Variants in CSGALNACT1 observed in about 807,000 individuals in gnomAD.
CSGALNACT1 encodes beta4GalNAcT-1.
In CSGALNACT1, 52 loss-of-function variants were observed where a neutral mutation model predicts 51.0. The ratio of observed to expected loss-of-function variants is 1.02; its 90% confidence interval spans 0.82 to 1.29. The LOEUF (loss-of-function observed/expected upper bound fraction) is 1.29, where lower values mean the gene tolerates loss of function less well. CSGALNACT1 is among the 50% of genes most tolerant of loss of function. CSGALNACT1 has a pLI of 0.00. For synonymous variants in CSGALNACT1, 341 were observed against 254.4 expected, an observed-to-expected ratio of 1.34 and a Z score of -3.24; for missense variants, 935 against 679.2, an observed-to-expected ratio of 1.38 and a Z score of -4.19.
upstream of CSGALNACT1, among the ~76,000 whole-genome samples, chr8:19,684,276 T>A (rs2060842458): frequency 6.6e-6 from 1 of 151,962 alleles, no homozygotes; most frequent in Admixed American, 6.6e-5. Context: ...AATAAATAAT[T>A]TATTATATGG....
chr8:19,465,691 A>T (rs1484428215), intron 4 of CSGALNACT1, among the ~76,000 whole-genome samples: 1 of 152,174 alleles, frequency 6.6e-6, no homozygotes, highest in Non-Finnish European at 1.5e-5. Context: ...TTAGAGCTTT[A>T]AACTCTCTTC....
intron 3 of CSGALNACT1, among the ~76,000 whole-genome samples, chr8:19,546,800 C>A (rs1427125817): frequency 6.6e-6 from 1 of 152,214 alleles, no homozygotes; most frequent in Non-Finnish European, 1.5e-5. Context: ...TAGGAAGGCT[C>A]CTCTTTACAG....
intron 1 of CSGALNACT1, among the ~76,000 whole-genome samples, chr8:19,729,213 T>A (rs1023693108): frequency 1.3e-5 from 2 of 152,078 alleles, no homozygotes; most frequent in Non-Finnish European, 2.9e-5. Context: ...TCTGAGCACA[T>A]TAAACCAAAG....
chr8:19,471,785 G>A lies in CSGALNACT1; in HGVS notation c.635-13143C>T, dbSNP rs1045852275. Among the ~76,000 whole-genome samples the A allele has an allele frequency of 4.6e-5, 7 of 152,180 alleles. No homozygotes were observed. In the South Asian group the frequency reaches 1.2e-3, roughly 27 times the overall value. ...GCTGAAGTGAGAAAACTCAACGGAA[G>A]AGATGGGGAAGAAACAGATTCTGAG... On this transcript the variant is annotated intron_variant, in intron 4 of 9. Transcript: ENST00000454498.
At chr8:19,500,187 G>A (rs2076171812) in intron 4 of CSGALNACT1, among the ~76,000 whole-genome samples, 1 of 152,158 alleles carries the variant, frequency 6.6e-6, no homozygotes, top group African/African-American at 2.4e-5. Flanking sequence ...CCAGAACACA[G>A]TGGGGTGACA....
In CSGALNACT1 at chr8:19,424,598, G is replaced by A. The variant is rs141808452; in HGVS notation, c.954-4080C>T. ...AAACTTACCAGTACTGGCCATGTGG[G>A]CTCTAGAACAGGATATGACAAGATG... On this transcript the variant is annotated intron_variant, in intron 6 of 9. Transcript: ENST00000454498. Among the ~76,000 whole-genome samples the A allele has an allele frequency of 4.1e-3, 627 of 152,310 alleles. 1 individual carries two copies. The highest frequency in any genetic ancestry group is 5.2e-3 in the Non-Finnish European group (354 of 68,030).
intron 3 of CSGALNACT1, among the ~76,000 whole-genome samples, chr8:19,512,770 G>C (rs370127010): frequency 6.6e-6 from 1 of 152,156 alleles, no homozygotes; most frequent in South Asian, 2.1e-4. Flanking sequence ...AGCCCTCCGA[G>C]ATTTTATTCT....
intron 1 of CSGALNACT1, among the ~76,000 whole-genome samples, chr8:19,647,396 G>A (rs1343586796): frequency 6.6e-6 from 1 of 152,104 alleles, no homozygotes; most frequent in Non-Finnish European, 1.5e-5. Flanking sequence ...CACCCTGGGC[G>A]ACAGAGCAAG....
chr8:19,574,803 G>A (rs181714144), intron 3 of CSGALNACT1, among the ~76,000 whole-genome samples: 22 of 152,242 alleles, frequency 1.4e-4, no homozygotes, highest in Admixed American at 1.2e-3. Context: ...AGGCTGAAAC[G>A]GGCAGATCAC....
intron 8 of CSGALNACT1, among the ~76,000 whole-genome samples, chr8:19,408,978 A>ACAC (rs57424251): frequency 1.3e-5 from 2 of 150,860 alleles, no homozygotes; most frequent in Non-Finnish European, 3.0e-5. Context: ...ACACACACAC[A>ACAC]ATCAAAAACA....
chr8:19,489,090 G>A (rs547926130), intron 4 of CSGALNACT1, among the ~76,000 whole-genome samples: 1 of 152,182 alleles, frequency 6.6e-6, no homozygotes, highest in Non-Finnish European at 1.5e-5. Flanking sequence ...GGGCACCTAA[G>A]AAGGGTTAAT....
At chr8:19,468,546 G>A (rs1023167002) in intron 4 of CSGALNACT1, among the ~76,000 whole-genome samples, 2 of 152,080 alleles carry the variant, frequency 1.3e-5, no homozygotes, top group Non-Finnish European at 2.9e-5. Flanking sequence ...GATGATGGCA[G>A]GGAACGAGAT....
At chr8:19,669,294 A>G (rs919154496) in intron 1 of CSGALNACT1, among the ~76,000 whole-genome samples, 1 of 152,252 alleles carries the variant, frequency 6.6e-6, no homozygotes, top group African/African-American at 2.4e-5. Flanking sequence ...GGAAGCAAAC[A>G]ACTTTCTCTT....
intron 3 of CSGALNACT1, among the ~76,000 whole-genome samples, chr8:19,520,633 A>C (rs2080465589): frequency 6.6e-6 from 1 of 152,270 alleles, no homozygotes; most frequent in Admixed American, 6.5e-5. Context: ...CATGACAATT[A>C]TTTAATCCAA....
intron 4 of CSGALNACT1, among the ~76,000 whole-genome samples, chr8:19,480,545 C>A (rs1225149198): frequency 1.3e-5 from 2 of 152,158 alleles, no homozygotes; most frequent in Non-Finnish European, 2.9e-5. Context: ...GATTCCATGT[C>A]TTCGCTGTTG....
chr8:19,657,049 T>A (rs2058341683), intron 1 of CSGALNACT1, among the ~76,000 whole-genome samples: 5 of 134,016 alleles, frequency 3.7e-5, no homozygotes, highest in African/African-American at 5.7e-5. Context: ...GGCAACAGAG[T>A]AAGACTCCAT....
chr8:19,624,065 AC>A (rs1310542278), intron 1 of CSGALNACT1, among the ~76,000 whole-genome samples: 2 of 152,132 alleles, frequency 1.3e-5, no homozygotes, highest in Non-Finnish European at 2.9e-5. Flanking sequence ...TACGTGCTAA[AC>A]CCTTTGTCTT....
chr8:19,658,540 C>A (rs1407296185), intron 1 of CSGALNACT1, among the ~76,000 whole-genome samples: 1 of 152,120 alleles, frequency 6.6e-6, no homozygotes, highest in Non-Finnish European at 1.5e-5. Flanking sequence ...TTGAGACCAG[C>A]CTGGCCAACA....
chr8:19,599,162 G>A (rs2154141571), intron 2 of CSGALNACT1, among the ~76,000 whole-genome samples: 1 of 152,074 alleles, frequency 6.6e-6, no homozygotes, highest in Non-Finnish European at 1.5e-5. Flanking sequence ...TAGTGTCAGG[G>A]GAGGGGGAGC....
Sources: allele counts gnomAD v4.1 joint callset (sites outside exome capture counted in the v4.1 genomes callset), GRCh38; gene constraint gnomAD v4.1.1; transcripts MANE v1.5; gene names NCBI Gene and HGNC (gene_info 2026-07-23, HGNC 2026-07-21).